H2AC8: variants seen among roughly 807,000 people sequenced by gnomAD.
H2AC8 encodes histone H2A type 1-B/E.
A neutral mutation model predicts 6.3 loss-of-function variants in H2AC8; 9 were observed. The ratio of observed to expected loss-of-function variants is 1.43; its 90% CI spans 0.86 to 2.49. The LOEUF is 2.49. H2AC8 is among the 30% of genes most tolerant of loss of function. The probability of loss-of-function intolerance (pLI) is 0.00; values close to 1 mark genes in which losing one functional copy is unlikely to be tolerated. For synonymous variants in H2AC8, 176 were observed against 79.6 expected, an observed-to-expected ratio of 2.21 and a Z score of -6.45; for missense variants, 141 against 177.5, an observed-to-expected ratio of 0.79 and a Z score of 1.17.
Position 26,217,251 on chromosome 6 carries a change from G to T in H2AC8, c.277G>T (p.Glu93Ter), listed in dbSNP as rs1294646710. The stretch of plus-strand genomic sequence containing the variant: ...GCAGCTAGCCATCCGCAACGACGAG[G>T]AGCTAAATAAGCTTCTAGGTCGCGT... Residue 93 changes from glutamate to a stop codon, truncating the protein, a stop_gained, in exon 1 of 1, where the codon GAG (glutamate) becomes TAG (stop). Coordinates refer to ENST00000303910, the Ensembl canonical transcript of H2AC8. LOFTEE classifies it high-confidence loss of function. The T allele has an allele frequency of 1.2e-6, 2 of 1,614,214 alleles. No individual in the cohort carries two copies. Among genetic ancestry groups the T allele is most frequent in the Non-Finnish European group, 1.7e-6 (2 of 1,180,030 alleles).
exon 1 of H2AC8, chr6:26,217,102 G>A: frequency 6.2e-7 from 1 of 1,614,216 alleles, no homozygotes; most frequent in Non-Finnish European, 8.5e-7. Context: ...TACTCCGAAC[G>A]AGTCGGGGCC....
chr6:26,217,036 G>A, exon 1 of H2AC8: 1 of 1,614,210 alleles, frequency 6.2e-7, no homozygotes, highest in Non-Finnish European at 8.5e-7. Context: ...CGTTCTTCCA[G>A]GGCCGGTCTT....
rs747568427 is a variant in H2AC8, at chr6:26,216,986, T to G, written c.12T>G (p.Arg4=). Reference sequence around the variant, plus strand: ...GTTAGGAAGCCACTATGTCTGGACGTGGAAAGCAAGGCGGCAAAGCTCGGG... The same window carrying G: ...GTTAGGAAGCCACTATGTCTGGACGGGGAAAGCAAGGCGGCAAAGCTCGGG... Residue 4 remains arginine (R), a synonymous_variant, in exon 1 of 1, where the codon CGT becomes CGG. Transcript: ENST00000303910. The G allele has an allele frequency of 5.0e-6, 8 of 1,614,034 alleles. No homozygotes were observed. In the African/African-American group the frequency reaches 9.3e-5, roughly 19 times the overall value.
Position 26,217,265 on chromosome 6 carries a change from T to G in H2AC8, c.291T>G (p.Leu97=), listed in dbSNP as rs775261145. 11 of 1,614,062 alleles carry G rather than the reference T, an allele frequency of 6.8e-6. No homozygotes were observed. In the African/African-American group the frequency reaches 9.3e-5, roughly 14 times the overall value. ...GCAACGACGAGGAGCTAAATAAGCT[T>G]CTAGGTCGCGTGACCATCGCGCAGG... The change falls in exon 1 of 1, where the codon CTT becomes CTG. Residue 97 remains leucine, a synonymous_variant. Coordinates refer to ENST00000303910, the Ensembl canonical transcript of H2AC8.
chr6:26,217,270 G>T, exon 1 of H2AC8: 1 of 1,614,230 alleles, frequency 6.2e-7, no homozygotes, highest in Non-Finnish European at 8.5e-7. Flanking sequence ...AAGCTTCTAG[G>T]TCGCGTGACC....
chr6:26,217,149 C>T (rs1765429670), exon 1 of H2AC8: 3 of 1,614,078 alleles, frequency 1.9e-6, no homozygotes, highest in South Asian at 1.1e-5. Context: ...GCTGGAATAT[C>T]TGACGGCCGA....
exon 1 of H2AC8, chr6:26,217,197 A>G (rs1765432140): frequency 6.2e-7 from 1 of 1,613,954 alleles, no homozygotes; most frequent in African/African-American, 1.3e-5. Flanking sequence ...TCGCGACAAT[A>G]AGAAGACCCG....
chr6:26,217,170 C>T (rs1554168031), exon 1 of H2AC8: 1 of 1,614,084 alleles, frequency 6.2e-7, no homozygotes, highest in African/African-American at 1.3e-5. Context: ...GATCTTAGAG[C>T]TAGCTGGCAA....
At chr6:26,217,084 A>G in exon 1 of H2AC8, 6 of 1,614,164 alleles carry the variant, frequency 3.7e-6, no homozygotes, top group Non-Finnish European at 5.1e-6. Flanking sequence ...CTCCTCCGCA[A>G]AGGCAACTAC....
Position 26,217,336 on chromosome 6 carries a change from C to T in H2AC8, c.362C>T (p.Thr121Met), listed in dbSNP as rs773509658. ...CAGGCCGTATTGCTGCCTAAGAAGA[C>T]GGAGAGCCACCATAAGGCCAAGGGC... Residue 121 changes from threonine (T) to methionine (M), a missense_variant, in exon 1 of 1, where the codon ACG becomes ATG. Transcript: ENST00000303910. The T allele has an allele frequency of 3.4e-5, 55 of 1,613,990 alleles. No individual in the cohort carries two copies. The highest frequency in any genetic ancestry group is 4.4e-5 in the South Asian group (4 of 91,088).
upstream of H2AC8, chr6:26,216,948 T>C (rs570322176): frequency 1.9e-6 from 3 of 1,612,850 alleles, no homozygotes; most frequent in East Asian, 4.5e-5. Context: ...AGTGGATTGT[T>C]AGTTCTTCTG....
At chr6:26,216,964 A>G, upstream of H2AC8, 11 of 1,613,956 alleles carry the variant, frequency 6.8e-6, no homozygotes, top group Non-Finnish European at 9.3e-6. Flanking sequence ...TTCTGCTGTT[A>G]GGAAGCCACT....
At chr6:26,216,935 T>C (rs959531862), upstream of H2AC8, 2 of 1,609,396 alleles carry the variant, frequency 1.2e-6, no homozygotes, top group South Asian at 1.1e-5. Flanking sequence ...TTTTTCTTTA[T>C]TCAGTGGATT....
chr6:26,217,419 C>T (rs778958852), exon 1 of H2AC8: 1 of 1,577,834 alleles, frequency 6.3e-7, no homozygotes, highest in Non-Finnish European at 8.6e-7. Flanking sequence ...AAACCAAAGG[C>T]TCTTTTCAGA....
At chr6:26,217,409 A>G (rs1765437942) in exon 1 of H2AC8, 26 of 1,591,220 alleles carry the variant, frequency 1.6e-5, no homozygotes, top group Non-Finnish European at 2.1e-5. Flanking sequence ...CGAGTCCCAG[A>G]AACCAAAGGC....
chr6:26,217,160 G>A (rs149871335), exon 1 of H2AC8: 1 of 1,614,198 alleles, frequency 6.2e-7, no homozygotes. Flanking sequence ...TGACGGCCGA[G>A]ATCTTAGAGC....
upstream of H2AC8, chr6:26,216,928 T>A (rs762437937): frequency 1.2e-6 from 2 of 1,603,064 alleles, no homozygotes; most frequent in Non-Finnish European, 1.7e-6. Context: ...CCCATTCTTT[T>A]TCTTTATTCA....
chr6:26,217,010 G>A (rs535373526), exon 1 of H2AC8: 1 of 1,614,168 alleles, frequency 6.2e-7, no homozygotes, highest in East Asian at 2.2e-5. Context: ...GCAAAGCTCG[G>A]GCAAAAGCTA....
exon 1 of H2AC8, chr6:26,217,105 T>G: frequency 6.2e-7 from 1 of 1,613,940 alleles, no homozygotes; most frequent in Non-Finnish European, 8.5e-7. Context: ...TCCGAACGAG[T>G]CGGGGCCGGC....
Sources: allele counts gnomAD v4.1 joint callset, GRCh38; gene constraint gnomAD v4.1.1; transcripts MANE v1.5; gene names NCBI Gene and HGNC (gene_info 2026-07-23, HGNC 2026-07-21).